Variants in COG5 observed in about 807,000 individuals in gnomAD.
COG5 encodes component of oligomeric golgi complex 5.
Under a neutral mutation model 110.4 loss-of-function variants are expected in COG5, and 86 were observed. The observed-to-expected ratio is 0.78, with a 90% CI of 0.65 to 0.93. The LOEUF (loss-of-function observed/expected upper bound fraction) is 0.93. COG5 is among the 40% of genes least tolerant of loss of function. COG5 has a pLI of 0.00. For synonymous variants in COG5, 360 were observed against 334.6 expected (o/e 1.08, Z -0.83); for missense variants, 1,077 against 987.0 (o/e 1.09, Z -1.22).
chr7:107,217,119 G>A (rs1799586061), intron 19 of COG5, among the ~76,000 whole-genome samples: 1 of 151,868 alleles, frequency 6.6e-6, no homozygotes, highest in Admixed American at 6.6e-5. Flanking sequence ...CAGTAAACTA[G>A]AAAAAAATGG....
intron 5 of COG5, among the ~76,000 whole-genome samples, chr7:107,538,573 C>T (rs1365725766): frequency 1.3e-5 from 2 of 151,958 alleles, no homozygotes; most frequent in Non-Finnish European, 2.9e-5. Context: ...GACAACGATG[C>T]CACTTCAATA....
intron 6 of COG5, among the ~76,000 whole-genome samples, chr7:107,522,296 C>T (rs1273306246): frequency 5.3e-5 from 8 of 152,302 alleles, no homozygotes; most frequent in Non-Finnish European, 1.0e-4. Flanking sequence ...TGGAGAAGCC[C>T]TGTCTCTACT....
intron 5 of COG5, among the ~76,000 whole-genome samples, chr7:107,536,929 A>T (rs1801625619): frequency 6.6e-6 from 1 of 152,244 alleles, no homozygotes; most frequent in Non-Finnish European, 1.5e-5. Context: ...AGACCAATGG[A>T]ATAGAAATAT....
intron 5 of COG5, among the ~76,000 whole-genome samples, chr7:107,533,537 G>A (rs1000034860): frequency 3.6e-4 from 55 of 151,614 alleles, no homozygotes; most frequent in Admixed American, 2.2e-3. Context: ...ATCAATAGCC[G>A]AATAGATCAA....
chr7:107,237,503 A>T (rs1164238707), intron 17 of COG5, among the ~76,000 whole-genome samples: 1 of 152,224 alleles, frequency 6.6e-6, no homozygotes, highest in African/African-American at 2.4e-5. Context: ...TCTGAGAATG[A>T]CGTAGAGAAA....
chr7:107,423,270 A>AG (rs1250090312), intron 6 of COG5, among the ~76,000 whole-genome samples: 2 of 152,234 alleles, frequency 1.3e-5, no homozygotes, highest in East Asian at 3.9e-4. Flanking sequence ...TTAATCAGGC[A>AG]GGGATGTGAT....
In COG5 at chr7:107,563,850, C is replaced by T. The variant is rs781711867; in HGVS notation, c.47G>A (p.Arg16Gln). The T allele has an allele frequency of 3.1e-6, 5 of 1,613,732 alleles. No homozygotes were observed. Among genetic ancestry groups the T allele is most frequent in the Non-Finnish European group, 1.7e-6 (2 of 1,179,940 alleles). The change falls in exon 1 of 22, where the codon CGA becomes CAA. Residue 16 changes from arginine to glutamine, a missense_variant. By Grantham distance (43) the Arg-to-Gln change is conservative. Coordinates refer to ENST00000297135, the MANE Select transcript of COG5 (RefSeq NM_006348.5). The stretch of plus-strand genomic sequence containing the variant: ...TGTAGCTGCAGCCGCTCCAGAGCCT[C>T]GAGCTCCGAGGCCAGCTACAGCGAC... ...GSVAVAGLGA[R>Q]GSGAAAATVR...
intron 6 of COG5, among the ~76,000 whole-genome samples, chr7:107,445,150 G>A (rs1464358562): frequency 2.6e-5 from 4 of 151,818 alleles, no homozygotes; most frequent in Non-Finnish European, 4.4e-5. Flanking sequence ...GCAGTGAGCC[G>A]TGATTAGGCC....
At chr7:107,539,286 T>C (rs115009264) in intron 5 of COG5, among the ~76,000 whole-genome samples, 2,253 of 152,264 alleles carry the variant, frequency 0.015, 59 homozygotes, top group African/African-American at 0.052. Flanking sequence ...CTCAGTGTTA[T>C]AATGAAATGA....
intron 16 of COG5, among the ~76,000 whole-genome samples, chr7:107,249,693 TGTG>T (rs1802337317): frequency 7.5e-5 from 1 of 13,390 alleles, no homozygotes; most frequent in African/African-American, 1.7e-3. Context: ...TACAGGATTG[TGTG>T]TGTGTGTGTG....
intron 19 of COG5, among the ~76,000 whole-genome samples, chr7:107,213,208 G>A (rs1799297110): frequency 6.6e-6 from 1 of 152,166 alleles, no homozygotes; most frequent in Admixed American, 6.5e-5. Context: ...GTTCAACCTG[G>A]CTTGAGTCCC....
chr7:107,217,412 A>T (rs983097768), intron 19 of COG5, among the ~76,000 whole-genome samples: 1 of 152,132 alleles, frequency 6.6e-6, no homozygotes, highest in Non-Finnish European at 1.5e-5. Context: ...CTGATACTAA[A>T]GCCACAAAAT....
At chr7:107,235,437 G>C (rs1801107378) in intron 18 of COG5, among the ~76,000 whole-genome samples, 1 of 152,234 alleles carries the variant, frequency 6.6e-6, no homozygotes, top group Non-Finnish European at 1.5e-5. Context: ...AGGTGTGGTG[G>C]CTCACGCCTG....
chr7:107,467,806 A>G (rs1438477360), intron 6 of COG5, among the ~76,000 whole-genome samples: 1 of 152,222 alleles, frequency 6.6e-6, no homozygotes, highest in Non-Finnish European at 1.5e-5. Flanking sequence ...TAAAAAGGAA[A>G]TAAAATTATA....
chr7:107,331,431 G>A (rs916872232), intron 10 of COG5, among the ~76,000 whole-genome samples: 5 of 151,986 alleles, frequency 3.3e-5, no homozygotes, highest in African/African-American at 1.2e-4. Context: ...TCACAGCACT[G>A]CACTCCAGAC....
chr7:107,469,013 T>A (rs960373360), intron 6 of COG5, among the ~76,000 whole-genome samples: 19 of 149,678 alleles, frequency 1.3e-4, no homozygotes, highest in South Asian at 4.2e-4. Flanking sequence ...ATATTAAATT[T>A]AATTTAAATT....
intron 6 of COG5, among the ~76,000 whole-genome samples, chr7:107,492,731 T>C (rs1369694219): frequency 6.6e-6 from 1 of 152,152 alleles, no homozygotes; most frequent in Non-Finnish European, 1.5e-5. Flanking sequence ...TCCACTCTTC[T>C]GCCTTCATCT....
intron 19 of COG5, among the ~76,000 whole-genome samples, chr7:107,219,552 G>A (rs182445541): frequency 2.6e-5 from 4 of 152,234 alleles, no homozygotes; most frequent in African/African-American, 9.6e-5. Flanking sequence ...GAGCCTGGAG[G>A]ACATTACGTT....
chr7:107,523,269 G>T (rs1800462844), intron 6 of COG5, among the ~76,000 whole-genome samples: 1 of 151,910 alleles, frequency 6.6e-6, no homozygotes, highest in African/African-American at 2.4e-5. Flanking sequence ...TTTTTATGCT[G>T]TTATAAGTGG....
Sources: allele counts gnomAD v4.1 joint callset (sites outside exome capture counted in the v4.1 genomes callset), GRCh38; gene constraint gnomAD v4.1.1; transcripts MANE v1.5; gene names NCBI Gene and HGNC (gene_info 2026-07-23, HGNC 2026-07-21).